The following EBF4 variants were observed in gnomAD, a reference collection of about 807,000 sequenced individuals.
The protein encoded by EBF4 is transcription factor COE4.
A neutral mutation model predicts 67.1 loss-of-function variants in EBF4; 34 were observed. The ratio of observed to expected loss-of-function variants is 0.51; its 90% CI spans 0.39 to 0.67. The LOEUF (loss-of-function observed/expected upper bound fraction) is 0.67, where lower values mean the gene tolerates loss of function less well. Ranked by LOEUF, EBF4 falls within the 30% of genes least tolerant of loss-of-function variation. The probability of loss-of-function intolerance (pLI) is 0.00; values close to 1 mark genes in which losing one functional copy is unlikely to be tolerated. For synonymous variants in EBF4, 387 were observed against 377.7 expected, an observed-to-expected ratio of 1.02 and a Z score of -0.29; for missense variants, 837 against 873.3, an observed-to-expected ratio of 0.96 and a Z score of 0.52.
chr20:2,731,446 T>C (rs2087812113), intron 6 of EBF4, among the ~76,000 whole-genome samples: 1 of 152,154 alleles, frequency 6.6e-6, no homozygotes, highest in African/African-American at 2.4e-5. Flanking sequence ...AAATAGGGCA[T>C]GCAGCTTACT....
At chr20:2,705,589 G>C in exon 2 of EBF4, 2 of 1,551,994 alleles carry the variant, frequency 1.3e-6, no homozygotes. Context: ...GCGTGGGTCT[G>C]GCACGAGCAC....
intron 6 of EBF4, among the ~76,000 whole-genome samples, chr20:2,732,014 A>G (rs371826291): frequency 2.0e-5 from 3 of 152,142 alleles, no homozygotes; most frequent in African/African-American, 4.8e-5. Context: ...CTAGTAGGGT[A>G]TTGAAGTTGC....
chr20:2,705,464 C>G, intron 1 of EBF4, 113 bp from the exon 2 acceptor site: 5 of 1,464,910 alleles, frequency 3.4e-6, no homozygotes, highest in Non-Finnish European at 4.6e-6. Context: ...TTTGCCCAAA[C>G]TCTTGGCATC....
At chr20:2,723,665 A>G (rs905919342) in intron 6 of EBF4, among the ~76,000 whole-genome samples, 3 of 152,198 alleles carry the variant, frequency 2.0e-5, no homozygotes, top group African/African-American at 7.2e-5. Context: ...TTCTCTTTTA[A>G]TAGCACGTTG....
intron 6 of EBF4, among the ~76,000 whole-genome samples, chr20:2,714,852 A>G (rs2087587838): frequency 6.6e-6 from 1 of 152,114 alleles, no homozygotes; most frequent in Non-Finnish European, 1.5e-5. Context: ...TTATCACTCC[A>G]ATATTATTTT....
chr20:2,705,845 A>G (rs1259823048), intron 2 of EBF4, 112 bp downstream of exon 2: 2 of 1,441,242 alleles, frequency 1.4e-6, no homozygotes, highest in Non-Finnish European at 1.9e-6. Flanking sequence ...ACACTGGGAC[A>G]GATGAATGGA....
chr20:2,706,101 G>T, intron 3 of EBF4, 64 bp downstream of exon 3: 1 of 1,547,722 alleles, frequency 6.5e-7, no homozygotes, highest in Non-Finnish European at 8.7e-7. Context: ...AGCATCATGC[G>T]ACACCTAATG....
chr20:2,757,563 T>C (rs951194027), intron 15 of EBF4, among the ~76,000 whole-genome samples: 1 of 152,076 alleles, frequency 6.6e-6, no homozygotes, highest in Non-Finnish European at 1.5e-5. Flanking sequence ...GGGTTCTTAG[T>C]GGGGGAGGAA....
At position 2,755,963 on chromosome 20, in the gene EBF4, G is replaced by A. The variant is rs959390469; in HGVS notation, c.1738+139G>A. On this transcript the variant is annotated intron_variant, in intron 15 of 16. Coordinates refer to ENST00000609451, the Ensembl canonical transcript of EBF4. This position sits in a 1 kb window ranked among gnomAD's most constrained non-coding sequence, Gnocchi z 4.7. ...GCTCTTCTTGGAGGACGGAGAGCAG[G>A]GAGCTCTGCTGGGGTCCAGGGAGGT... 13 of 943,762 alleles carry A rather than the reference G, an allele frequency of 1.4e-5. No homozygotes were observed. Among genetic ancestry groups the A allele is most frequent in the African/African-American group, 1.7e-5 (1 of 60,520 alleles). The allele number at this position is 943,762 out of a possible 1,614,324, so 58.5% of individuals were successfully genotyped here. A position where few individuals can be genotyped will look rare whatever the true frequency, so the allele number is the denominator to read the frequency against.
At chr20:2,736,973 G>C (rs6051349) in intron 6 of EBF4, among the ~76,000 whole-genome samples, 4,124 of 152,168 alleles carry the variant, frequency 0.027, 188 homozygotes, top group African/African-American at 0.093. Flanking sequence ...AAGAGGACCG[G>C]GCGCGGTGGC....
intron 15 of EBF4, 46 bp from the exon 16 acceptor site, chr20:2,758,863 C>T (rs1262412845): frequency 4.6e-6 from 7 of 1,532,144 alleles, no homozygotes; most frequent in Admixed American, 3.9e-5. Context: ...AGGTGGCTTC[C>T]CAGGTGGCAC....
At chr20:2,752,474 G>T in exon 14 of EBF4, 1 of 1,265,998 alleles carries the variant, frequency 7.9e-7, no homozygotes, top group South Asian at 2.9e-5. Flanking sequence ...GGCGCGCCGG[G>T]CGTGGCCGGC....
At position 2,693,930 on chromosome 20, in the gene EBF4, T is replaced by G; in HGVS notation, c.137+148T>G. The G allele has an allele frequency of 9.5e-7, 1 of 1,051,192 alleles. No homozygotes were observed. The allele number at this position is 1,051,192 out of a possible 1,614,324, so 65.1% of individuals were successfully genotyped here. A position where few individuals can be genotyped will look rare whatever the true frequency, so the allele number is the denominator to read the frequency against. On this transcript the variant is annotated intron_variant, in intron 1 of 16. Transcript: ENST00000609451. This position sits in a 1 kb window ranked among gnomAD's most constrained non-coding sequence, Gnocchi z 4.6. ...GCTCCCCGGCCCACCCCGTCCGGAG[T>G]GCCTGTGCTGCCTCCTGAGGCTGTG... is the stretch of plus-strand genomic sequence containing the variant.
In EBF4 at chr20:2,693,763, G is replaced by C. The variant is rs918843783; in HGVS notation, c.118G>C (p.Ala40Pro). The change falls in exon 1 of 17, where the codon GCC (alanine) becomes CCC (proline). Residue 40 changes from alanine (A) to proline (P), a missense_variant. By Grantham distance (27) the Ala-to-Pro change is conservative. Transcript: ENST00000609451. The surrounding 1 kb of genome is among the most constrained non-coding windows in gnomAD (Gnocchi z 4.6). Reference sequence around the variant, plus strand: ...GATGCAGGGCGCGGGCATCCTGGACGCCAGCACCGCGGCGCAGAGGTAAGC... The same window carrying C: ...GATGCAGGGCGCGGGCATCCTGGACCCCAGCACCGCGGCGCAGAGGTAAGC... The C allele has an allele frequency of 6.7e-6, 9 of 1,336,304 alleles. No individual in the cohort carries two copies. The African/African-American group carries it at 1.4e-4, about 21-fold the overall frequency. 82.8% of individuals were successfully genotyped at this position (1,336,304 alleles called of 1,614,324 possible).
upstream of EBF4, chr20:2,693,436 C>T: frequency 2.2e-6 from 1 of 450,364 alleles, no homozygotes; most frequent in East Asian, 3.6e-5. This position sits in a 1 kb window ranked among gnomAD's most constrained non-coding sequence, Gnocchi z 4.6. Flanking sequence ...CCCCGCCCAG[C>T]GCCCCAGGAG....
chr20:2,744,140 G>A (rs563282609), intron 6 of EBF4, among the ~76,000 whole-genome samples: 26 of 150,982 alleles, frequency 1.7e-4, no homozygotes, highest in African/African-American at 6.1e-4. Context: ...GAGTGCAATG[G>A]CGTGATCTCA....
chr20:2,709,131 G>A (rs1437566599), intron 5 of EBF4, among the ~76,000 whole-genome samples: 2 of 152,162 alleles, frequency 1.3e-5, no homozygotes, highest in African/African-American at 4.8e-5. Context: ...AGGTTGCAGT[G>A]AGCCAACATC....
At chr20:2,750,292 T>C (rs1600242944) in intron 10 of EBF4, among the ~76,000 whole-genome samples, 1 of 151,994 alleles carries the variant, frequency 6.6e-6, no homozygotes, top group African/African-American at 2.4e-5. Flanking sequence ...GCCCGCACTC[T>C]CCAGGGTTTA....
chr20:2,739,133 C>T lies in EBF4; in HGVS notation c.558-9416C>T, dbSNP rs982852918. On this transcript the variant is annotated intron_variant, in intron 6 of 16. Coordinates refer to ENST00000609451, the Ensembl canonical transcript of EBF4. This position sits in a 1 kb window ranked among gnomAD's most constrained non-coding sequence, Gnocchi z 4.5. ...AACTATTACAGTAAGCTCCTCATTT[C>T]CCTTCCCTTCTCTAGCGTAGGCCCT... 3.3e-5 allele frequency among the ~76,000 whole-genome samples: 5 copies of T among 152,192 alleles called. No individual in the cohort carries two copies. The highest frequency in any genetic ancestry group is 2.0e-4 in the Admixed American group (3 of 15,288).
Sources: gnomAD v4.1 joint callset for allele counts (sites outside exome capture counted in the v4.1 genomes callset) on GRCh38, gnomAD v4.1.1 for gene constraint, Gnocchi (gnomAD v3.1) non-coding constraint, MANE v1.5 for transcripts, NCBI Gene and HGNC (gene_info 2026-07-23, HGNC 2026-07-21) for gene names.